Variants in GPR176 observed in about 807,000 individuals in gnomAD.
The protein encoded by GPR176 is G protein-coupled receptor 176, also known as G-protein coupled receptor 176.
In GPR176, 26 loss-of-function variants were observed where a neutral mutation model predicts 35.4. That is an observed-to-expected ratio of 0.74 (90% CI 0.54 to 1.02). The LOEUF (loss-of-function observed/expected upper bound fraction) is 1.02. Ranked by LOEUF, GPR176 falls within the 50% of genes least tolerant of loss-of-function variation. The pLI is 0.00. For missense variants in GPR176, 597 were observed against 665.3 expected (o/e 0.90, Z 1.13); for synonymous variants, 278 against 271.3 (o/e 1.02, Z -0.24).
chr15:39,878,332 A>G (rs1405759321), intron 1 of GPR176, among the ~76,000 whole-genome samples: 3 of 151,986 alleles, frequency 2.0e-5, no homozygotes, highest in African/African-American at 7.3e-5. Context: ...CATGAGTTCA[A>G]TGTTTTTAGA....
At chr15:39,831,472 T>C (rs1362075503) in intron 1 of GPR176, among the ~76,000 whole-genome samples, 1 of 152,038 alleles carries the variant, frequency 6.6e-6, no homozygotes, top group Admixed American at 6.6e-5. Flanking sequence ...GTCAACATGG[T>C]TAAAACTAAA....
intron 1 of GPR176, among the ~76,000 whole-genome samples, chr15:39,896,729 T>G (rs1001082939): frequency 1.3e-5 from 2 of 152,132 alleles, no homozygotes; most frequent in Non-Finnish European, 1.5e-5. Context: ...AGGTCTTAGG[T>G]AAAGTCCCAG....
chr15:39,876,694 C>T (rs994503192), intron 1 of GPR176, among the ~76,000 whole-genome samples: 3 of 151,488 alleles, frequency 2.0e-5, no homozygotes, highest in Non-Finnish European at 4.4e-5. Context: ...AAAAAAAATA[C>T]AAAAATTAGC....
chr15:39,914,977 T>C lies in GPR176; in HGVS notation c.172+4878A>G, dbSNP rs546486437. ...GCAAAACTAGTGTCTATCCAACAGA[T>C]CTGCTGAACAGATTTAACAAGTCGA... On this transcript the variant is annotated intron_variant, in intron 1 of 2. Coordinates refer to ENST00000561100, the MANE Select transcript of GPR176 (RefSeq NM_007223.3). Among the ~76,000 whole-genome samples, 3 of 152,330 alleles carry C rather than the reference T, an allele frequency of 2.0e-5. No homozygotes were observed. The South Asian group carries it at 6.2e-4, about 32-fold the overall frequency.
rs1408503851 is a variant in GPR176, at chr15:39,801,415, G to A, written c.1265C>T (p.Ala422Val). Reference protein sequence around the residue: ...GEQGPQFAPSAPPLSTVDSVS... With the variant: ...GEQGPQFAPSVPPLSTVDSVS... The stretch of plus-strand genomic sequence containing the variant: ...AGAGTCCACTGTGCTCAGGGGTGGG[G>A]CAGAGGGCGCAAACTGTGGCCCCTG... The change falls in exon 3 of 3, where the codon GCC becomes GTC. Residue 422 changes from alanine (A) to valine (V), a missense_variant. Coordinates refer to ENST00000561100, the MANE Select transcript of GPR176 (RefSeq NM_007223.3). 8 of 1,614,060 alleles carry A rather than the reference G, an allele frequency of 5.0e-6. No homozygotes were observed. Among genetic ancestry groups the A allele is most frequent in the Non-Finnish European group, 4.2e-6 (5 of 1,180,030 alleles).
chr15:39,902,166 C>T (rs926786141), intron 1 of GPR176, among the ~76,000 whole-genome samples: 25 of 152,170 alleles, frequency 1.6e-4, no homozygotes, highest in African/African-American at 6.0e-4. Context: ...CAATAATTTG[C>T]ATTTTGACAA....
Position 39,832,104 on chromosome 15 carries a change from G to C in GPR176, c.173-24846C>G, listed in dbSNP as rs183604465. ...AAGAAGACATACAAATGGCCAATAAGCACATGAAAAGAAGCTCAGCATCAT... is the reference window on the plus strand; with the variant it reads ...AAGAAGACATACAAATGGCCAATAACCACATGAAAAGAAGCTCAGCATCAT... On this transcript the variant is annotated intron_variant, in intron 1 of 2. Transcript: ENST00000561100. 2.3e-3 allele frequency among the ~76,000 whole-genome samples: 344 copies of C among 151,890 alleles called. 3 individuals are homozygous for C. The Middle Eastern group carries it at 0.034, about 15-fold the overall frequency.
chr15:39,876,727 T>C (rs537890137), intron 1 of GPR176, among the ~76,000 whole-genome samples: 1 of 151,268 alleles, frequency 6.6e-6, no homozygotes, highest in South Asian at 2.1e-4. Context: ...CCCAGCCACT[T>C]GGGAGGTGGG....
intron 1 of GPR176, among the ~76,000 whole-genome samples, chr15:39,825,024 G>A (rs1900533415): frequency 6.6e-6 from 1 of 152,060 alleles, no homozygotes; most frequent in African/African-American, 2.4e-5. Flanking sequence ...AGGCAACACA[G>A]GGAGACCCTG....
At chr15:39,891,616 C>T (rs527391238) in intron 1 of GPR176, among the ~76,000 whole-genome samples, 2 of 152,214 alleles carry the variant, frequency 1.3e-5, no homozygotes, top group South Asian at 2.1e-4. Context: ...AGATTACAAG[C>T]ATGTGCCACC....
intron 1 of GPR176, among the ~76,000 whole-genome samples, chr15:39,820,789 C>T (rs1900221111): frequency 6.6e-6 from 1 of 152,122 alleles, no homozygotes; most frequent in Admixed American, 6.6e-5. Context: ...CTTCTTCAGC[C>T]CTCCCTCAAG....
At chr15:39,808,151 C>T (rs1247581359) in intron 1 of GPR176, among the ~76,000 whole-genome samples, 1 of 152,222 alleles carries the variant, frequency 6.6e-6, no homozygotes, top group Non-Finnish European at 1.5e-5. Context: ...ACTACCCATT[C>T]TGGTAATTTT....
intron 1 of GPR176, among the ~76,000 whole-genome samples, chr15:39,809,906 G>A (rs1365990541): frequency 6.6e-6 from 1 of 152,184 alleles, no homozygotes; most frequent in Non-Finnish European, 1.5e-5. Flanking sequence ...AGCACTTTGG[G>A]AGGCTGAGGC....
At chr15:39,918,957 G>A (rs891913609) in intron 1 of GPR176, among the ~76,000 whole-genome samples, 2 of 152,166 alleles carry the variant, frequency 1.3e-5, no homozygotes, top group Admixed American at 1.3e-4. Flanking sequence ...CCTTATAAAC[G>A]CCATATCGGG....
intron 1 of GPR176, among the ~76,000 whole-genome samples, chr15:39,907,438 G>A (rs2033455164): frequency 6.6e-6 from 1 of 152,190 alleles, no homozygotes; most frequent in South Asian, 2.1e-4. Context: ...ACCCCCAAAG[G>A]AGAGTTCTGT....
chr15:39,905,877 TTC>T (rs1324154943), intron 1 of GPR176, among the ~76,000 whole-genome samples: 1 of 152,068 alleles, frequency 6.6e-6, no homozygotes, highest in Non-Finnish European at 1.5e-5. Context: ...TGATGGAAAT[TTC>T]GAGGGCAATG....
At chr15:39,843,394 C>A (rs991765420) in intron 1 of GPR176, among the ~76,000 whole-genome samples, 1 of 152,030 alleles carries the variant, frequency 6.6e-6, no homozygotes, top group African/African-American at 2.4e-5. Flanking sequence ...ACCTATTATC[C>A]AGACACTCAC....
chr15:39,876,493 C>T (rs891280315), intron 1 of GPR176, among the ~76,000 whole-genome samples: 1 of 151,712 alleles, frequency 6.6e-6, no homozygotes, highest in Non-Finnish European at 1.5e-5. Context: ...AAGTGGTGTT[C>T]TACCAGTTGT....
chr15:39,829,768 G>A (rs1900942547), intron 1 of GPR176, among the ~76,000 whole-genome samples: 1 of 152,022 alleles, frequency 6.6e-6, no homozygotes, highest in African/African-American at 2.4e-5. Context: ...ATTGGAGGAA[G>A]CCTGTCCCAA....
Sources: allele counts gnomAD v4.1 joint callset (sites outside exome capture counted in the v4.1 genomes callset), GRCh38; gene constraint gnomAD v4.1.1; transcripts MANE v1.5; gene names NCBI Gene and HGNC (gene_info 2026-07-23, HGNC 2026-07-21).